The following OLA1 variants were observed in gnomAD, a reference collection of about 807,000 sequenced individuals.
OLA1 encodes Obg like ATPase 1.
A neutral mutation model predicts 48.4 loss-of-function variants in OLA1; 14 were observed. The ratio of observed to expected loss-of-function variants is 0.29; its 90% CI spans 0.19 to 0.45. The LOEUF is 0.45. Among genes scored for constraint, OLA1 ranks in the 20% least tolerant of loss-of-function variants. The pLI is 1.00. For missense variants in OLA1, 325 were observed against 467.1 expected (o/e 0.70, Z 2.80); for synonymous variants, 127 against 150.4 (o/e 0.84, Z 1.14).
chr2:174,226,437 A>C (rs947201103), intron 3 of OLA1, among the ~76,000 whole-genome samples: 1 of 152,106 alleles, frequency 6.6e-6, no homozygotes, highest in Non-Finnish European at 1.5e-5. Context: ...TTTAATCGCT[A>C]TACTGTAATG....
At chr2:174,090,666 C>G (rs141305466) in intron 7 of OLA1, among the ~76,000 whole-genome samples, 1 of 152,080 alleles carries the variant, frequency 6.6e-6, no homozygotes, top group African/African-American at 2.4e-5. Context: ...ATTTTGTGAC[C>G]GTAAGAAGGG....
chr2:174,174,175 A>G (rs1372465105), intron 4 of OLA1, among the ~76,000 whole-genome samples: 1 of 152,052 alleles, frequency 6.6e-6, no homozygotes, highest in Non-Finnish European at 1.5e-5. Flanking sequence ...TTTACAAGTG[A>G]TTTTACAAGG....
intron 4 of OLA1, among the ~76,000 whole-genome samples, chr2:174,157,786 A>G (rs1181895043): frequency 1.3e-5 from 2 of 152,190 alleles, no homozygotes; most frequent in African/African-American, 4.8e-5. Flanking sequence ...TAGGAAGATG[A>G]TGGTCTGATT....
At chr2:174,241,879 G>A (rs556079683) in intron 2 of OLA1, among the ~76,000 whole-genome samples, 26 of 152,284 alleles carry the variant, frequency 1.7e-4, no homozygotes, top group Non-Finnish European at 3.2e-4. Context: ...CAAGTGATCC[G>A]CTTGCCTCAG....
chr2:174,197,350 TC>T (rs34374476), intron 4 of OLA1, among the ~76,000 whole-genome samples: 79,399 of 151,786 alleles, frequency 0.52, 21,281 homozygotes, highest in East Asian at 0.93. Flanking sequence ...TGATTAGCAT[TC>T]CCCCCTACTA....
chr2:174,158,027 C>A (rs1398873996), intron 4 of OLA1, among the ~76,000 whole-genome samples: 1 of 152,198 alleles, frequency 6.6e-6, no homozygotes, highest in Admixed American at 6.5e-5. Flanking sequence ...GAGGCCACTG[C>A]ATCCTCAATA....
At chr2:174,195,051 A>G (rs759747805) in intron 4 of OLA1, among the ~76,000 whole-genome samples, 7 of 152,000 alleles carry the variant, frequency 4.6e-5, no homozygotes, top group Non-Finnish European at 8.8e-5. Flanking sequence ...TCCTATCTGA[A>G]TCCTGCTGTG....
At chr2:174,224,290 G>A (rs761607109) in intron 3 of OLA1, among the ~76,000 whole-genome samples, 1 of 152,064 alleles carries the variant, frequency 6.6e-6, no homozygotes, top group Non-Finnish European at 1.5e-5. Context: ...GCCCCCTCTC[G>A]GTACCTATAC....
intron 7 of OLA1, among the ~76,000 whole-genome samples, chr2:174,114,171 A>AC (rs1685722414): frequency 8.2e-6 from 1 of 121,862 alleles, no homozygotes; most frequent in Non-Finnish European, 1.8e-5. Flanking sequence ...TACTAAAAAT[A>AC]CAAAAAAAAA....
rs567067577 is a variant in OLA1 at position 174,072,486 on chromosome 2, T to G, written c.*2940A>C. 6.6e-6 allele frequency: 1 copy of G among 152,354 alleles called. No individual in the cohort carries two copies. Among genetic ancestry groups the G allele is most frequent in the African/African-American group, 2.4e-5 (1 of 41,596 alleles). 9.4% of individuals were successfully genotyped at this position (152,354 alleles called of 1,614,324 possible). On this transcript the variant is annotated 3_prime_UTR_variant, in exon 11 of 11. Transcript: ENST00000284719. Reference sequence around the variant, plus strand: ...TTTATTTTATCACCACAGTGTATTTTACAAGCTTAAAATAAGTTGAAATGA... The same window carrying G: ...TTTATTTTATCACCACAGTGTATTTGACAAGCTTAAAATAAGTTGAAATGA...
intron 4 of OLA1, among the ~76,000 whole-genome samples, chr2:174,160,493 G>C (rs1327385457): frequency 2.0e-5 from 3 of 151,956 alleles, no homozygotes; most frequent in Non-Finnish European, 4.4e-5. Flanking sequence ...ATTCAAAAAA[G>C]CAAATAAATT....
chr2:174,103,556 T>C (rs939656452), intron 7 of OLA1, among the ~76,000 whole-genome samples: 1 of 152,196 alleles, frequency 6.6e-6, no homozygotes, highest in Admixed American at 6.6e-5. Context: ...TAGATGTATC[T>C]AACCAGAATA....
In OLA1 at chr2:174,199,359, C is replaced by A. The variant is rs981471920; in HGVS notation, c.373+23674G>T. Among the ~76,000 whole-genome samples, 20 of 152,160 alleles carry A rather than the reference C, an allele frequency of 1.3e-4. 1 individual carries two copies. The highest frequency in any genetic ancestry group is 4.8e-4 in the African/African-American group (20 of 41,412). Reference sequence around the variant, plus strand: ...AAAAACATTCCCATGTTCCCAATTCCCTGAATTACACACTAGCAGGGGGCA... The same window carrying A: ...AAAAACATTCCCATGTTCCCAATTCACTGAATTACACACTAGCAGGGGGCA... On this transcript the variant is annotated intron_variant, in intron 4 of 10. Coordinates refer to ENST00000284719, the MANE Select transcript of OLA1 (RefSeq NM_013341.5).
At chr2:174,092,120 T>G (rs1217529007) in intron 7 of OLA1, among the ~76,000 whole-genome samples, 2 of 70,154 alleles carry the variant, frequency 2.9e-5, no homozygotes, top group Non-Finnish European at 5.5e-5. Flanking sequence ...AGAGCAAAAC[T>G]CCATCTCAAA....
At chr2:174,192,270 A>G (rs2105424227) in intron 4 of OLA1, among the ~76,000 whole-genome samples, 1 of 152,246 alleles carries the variant, frequency 6.6e-6, no homozygotes, top group East Asian at 1.9e-4. Context: ...TTTATTTTGG[A>G]TTTTGGAATA....
intron 6 of OLA1, 134 bp downstream of exon 6, chr2:174,123,461 C>A: frequency 1.6e-6 from 1 of 624,228 alleles, no homozygotes; most frequent in Non-Finnish European, 2.7e-6. Context: ...AAATAACAAG[C>A]CCAGGAATAA....
At chr2:174,152,612 C>T (rs995746835) in intron 4 of OLA1, among the ~76,000 whole-genome samples, 6 of 151,918 alleles carry the variant, frequency 3.9e-5, no homozygotes, top group Non-Finnish European at 7.4e-5. Context: ...TGAAAAGAGT[C>T]GTATTAATCA....
At chr2:174,175,668 A>G (rs1687403708) in intron 4 of OLA1, among the ~76,000 whole-genome samples, 1 of 152,080 alleles carries the variant, frequency 6.6e-6, no homozygotes, top group Non-Finnish European at 1.5e-5. Flanking sequence ...AGTATTTTAT[A>G]AAGCTAAACA....
At chr2:174,077,791 G>A (rs1684780626) in intron 10 of OLA1, among the ~76,000 whole-genome samples, 1 of 151,834 alleles carries the variant, frequency 6.6e-6, no homozygotes, top group African/African-American at 2.4e-5. Context: ...TCTAGTAATA[G>A]AAAACATCCT....
Sources: gnomAD v4.1 joint callset for allele counts (sites outside exome capture counted in the v4.1 genomes callset) on GRCh38, gnomAD v4.1.1 for gene constraint, MANE v1.5 for transcripts, NCBI Gene and HGNC (gene_info 2026-07-23, HGNC 2026-07-21) for gene names.